The following KCNQ1 variants were observed in gnomAD, a reference collection of about 807,000 sequenced individuals.
KCNQ1 encodes the protein potassium voltage-gated channel subfamily Q member 1, also known as potassium voltage-gated channel subfamily KQT member 1.
KCNQ1 carries 49 observed loss-of-function variants against 72.4 expected under a neutral mutation model. That is an observed-to-expected ratio of 0.68 (90% CI 0.54 to 0.86). The LOEUF is 0.86. Among genes scored for constraint, KCNQ1 ranks in the 40% least tolerant of loss-of-function variants. KCNQ1 has a pLI of 0.00. For missense variants in KCNQ1, 790 were observed against 945.1 expected (o/e 0.84, Z 2.15); for synonymous variants, 450 against 412.6 (o/e 1.09, Z -1.10).
rs1479817746 is a variant in KCNQ1 at position 2,483,462 on chromosome 11, T to A, written c.386+37978T>A. Among the ~76,000 whole-genome samples, 1 of 152,116 alleles carries A rather than the reference T, an allele frequency of 6.6e-6. No homozygotes were observed. Among genetic ancestry groups the A allele is most frequent in the African/African-American group, 2.4e-5 (1 of 41,424 alleles). On this transcript the variant is annotated intron_variant, in intron 1 of 15. Coordinates refer to ENST00000155840, the MANE Select transcript of KCNQ1 (RefSeq NM_000218.3). The surrounding 1 kb of genome is among the most constrained non-coding windows in gnomAD (Gnocchi z 6.1). ...CCGTGAACTCAACTGCAGATCTGATTCAAATCCCGCGTTTTTCTAGCATCC... is the reference window on the plus strand; with the variant it reads ...CCGTGAACTCAACTGCAGATCTGATACAAATCCCGCGTTTTTCTAGCATCC...
At chr11:2,527,496 T>C (rs537005536) in intron 1 of KCNQ1, among the ~76,000 whole-genome samples, 21 of 152,342 alleles carry the variant, frequency 1.4e-4, no homozygotes, top group Admixed American at 2.6e-4. Context: ...CAGAGTTGTG[T>C]AGCCACCACC....
At chr11:2,500,862 C>T (rs921959442) in intron 1 of KCNQ1, among the ~76,000 whole-genome samples, 15 of 8,732 alleles carry the variant, frequency 1.7e-3, no homozygotes, top group South Asian at 7.8e-3. Flanking sequence ...CATCACACAC[C>T]GGGGTCTGTT....
chr11:2,843,131 A>G (rs1440354154), intron 15 of KCNQ1, among the ~76,000 whole-genome samples: 2 of 152,330 alleles, frequency 1.3e-5, no homozygotes, highest in East Asian at 3.9e-4. Flanking sequence ...CAGCTGCCCC[A>G]AGGCCTGGCG....
Position 2,682,723 on chromosome 11 carries a change from A to C in KCNQ1, c.1514+20642A>C. On this transcript the variant is annotated intron_variant, in intron 11 of 15. Transcript: ENST00000155840. The surrounding 1 kb of genome is among the most constrained non-coding windows in gnomAD (Gnocchi z 5.8). ...GACCAGAATATCTCTAGTCATAAAG[A>C]ATCTCTTCCCCTTGAGCCCACTCAT... 2.5e-6 allele frequency: 1 copy of C among 398,608 alleles called. No individual in the cohort carries two copies. 24.7% of individuals were successfully genotyped at this position (398,608 alleles called of 1,614,324 possible). A position where few individuals can be genotyped will look rare whatever the true frequency, so the allele number is the denominator to read the frequency against.
rs375471250 is a variant in KCNQ1, at chr11:2,448,241, G to C, written c.386+2757G>C. 2.7e-3 allele frequency among the ~76,000 whole-genome samples: 408 copies of C among 152,336 alleles called. 2 individuals are homozygous for C. The highest frequency in any genetic ancestry group is 6.8e-3 in the Middle Eastern group (2 of 294). ...GTTGTGGCCAAGGAGAGGGATTTGAGGGGGGACCTGCAGTGCATGGAGACT... is the reference window on the plus strand; with the variant it reads ...GTTGTGGCCAAGGAGAGGGATTTGACGGGGGACCTGCAGTGCATGGAGACT... On this transcript the variant is annotated intron_variant, in intron 1 of 15. Transcript: ENST00000155840.
Position 2,645,413 on chromosome 11 carries a change from C to T in KCNQ1, c.1394-16548C>T. On this transcript the variant is annotated intron_variant, in intron 10 of 15. Transcript: ENST00000155840. The surrounding 1 kb of genome is among the most constrained non-coding windows in gnomAD (Gnocchi z 5.8). ...AGGCCAGGTGGGCCTGTCCTGAGGC[C>T]CTCCAGTAATGCAAGAATGTACTGA... 1 of 398,680 alleles carries T rather than the reference C, an allele frequency of 2.5e-6. No individual in the cohort carries two copies. 24.7% of individuals were successfully genotyped at this position (398,680 alleles called of 1,614,324 possible). A position where few individuals can be genotyped will look rare whatever the true frequency, so the allele number is the denominator to read the frequency against.
chr11:2,671,670 A>G lies in KCNQ1; in HGVS notation c.1514+9589A>G, dbSNP rs79645020. ...TGCTGGGGAAACTGAGGCAGAGAGC[A>G]GGGGTGACTTTGCAAGGCAATAGAG... On this transcript the variant is annotated intron_variant, in intron 11 of 15. Transcript: ENST00000155840. The surrounding 1 kb of genome is among the most constrained non-coding windows in gnomAD (Gnocchi z 4.7). 1.4e-5 allele frequency: 3 copies of G among 209,210 alleles called. No individual in the cohort carries two copies. Among genetic ancestry groups the G allele is most frequent in the Non-Finnish European group, 2.5e-5 (3 of 120,332 alleles). 13.0% of individuals were successfully genotyped at this position (209,210 alleles called of 1,614,324 possible). A position where few individuals can be genotyped will look rare whatever the true frequency, so the allele number is the denominator to read the frequency against.
intron 11 of KCNQ1, chr11:2,696,105 T>G: frequency 2.5e-6 from 1 of 398,680 alleles, no homozygotes. Flanking sequence ...AAATCCTTAA[T>G]CCATAATCAT....
intron 11 of KCNQ1, chr11:2,665,474 G>A (rs1850050309): frequency 1.0e-5 from 4 of 396,374 alleles, no homozygotes; most frequent in Admixed American, 4.5e-5. Context: ...GGGTGGGGAC[G>A]GTGCCATGCC....
chr11:2,525,984 G>T (rs1847496962), intron 1 of KCNQ1, among the ~76,000 whole-genome samples: 2 of 152,212 alleles, frequency 1.3e-5, no homozygotes, highest in African/African-American at 4.8e-5. Flanking sequence ...GACACAGTTG[G>T]GGTGTTGTGG....
rs1278565521 is a variant in KCNQ1 at position 2,606,242 on chromosome 11, A to G, written c.1393+17388A>G. Among the ~76,000 whole-genome samples the G allele has an allele frequency of 2.0e-5, 3 of 152,018 alleles. No individual in the cohort carries two copies. The East Asian group carries it at 5.8e-4, about 29-fold the overall frequency. On this transcript the variant is annotated intron_variant, in intron 10 of 15. Transcript: ENST00000155840. The stretch of plus-strand genomic sequence containing the variant: ...ATTTTGTCTCCTGCAGCCTTACTGA[A>G]CTCATTCGTTGTAATTGTTTCACAA...
chr11:2,571,574 G>A lies in KCNQ1; in HGVS notation c.683+171G>A, dbSNP rs28730753. ...CTGGGATGGGTGGAGCAGGGTGGGT[G>A]CAGGCAAGTGTGGAGGGCACGGCTC... On this transcript the variant is annotated intron_variant, in intron 4 of 15. Transcript: ENST00000155840. Among the ~76,000 whole-genome samples, 870 of 152,254 alleles carry A rather than the reference G, an allele frequency of 5.7e-3. 10 individuals are homozygous for A. The highest frequency in any genetic ancestry group is 0.019 in the African/African-American group (796 of 41,562).
chr11:2,763,026 G>T (rs1846432864), intron 11 of KCNQ1, among the ~76,000 whole-genome samples: 1 of 152,150 alleles, frequency 6.6e-6, no homozygotes, highest in African/African-American at 2.4e-5. Flanking sequence ...CCTTCACGTT[G>T]TTAGGAATAT....
chr11:2,588,629 C>A lies in KCNQ1; in HGVS notation c.1252-84C>A. On this transcript the variant is annotated intron_variant, in intron 9 of 15. Transcript: ENST00000155840. This position sits in a 1 kb window ranked among gnomAD's most constrained non-coding sequence, Gnocchi z 5.6. ...TATGTGGCGGGGGCTGGGCTCGGGG[C>A]GGCTGCACAGGCACTCTGGGGCCGG... 11 of 1,556,022 alleles carry A rather than the reference C, an allele frequency of 7.1e-6. No individual in the cohort carries two copies. In the Admixed American group the frequency reaches 1.0e-4, roughly 14 times the overall value.
intron 1 of KCNQ1, among the ~76,000 whole-genome samples, chr11:2,459,944 C>T (rs1178032983): frequency 6.6e-6 from 1 of 152,138 alleles, no homozygotes; most frequent in Non-Finnish European, 1.5e-5. Flanking sequence ...GTTTCGCAGT[C>T]TTTCAGACAA....
chr11:2,569,945 G>A (rs1848302969), intron 2 of KCNQ1, among the ~76,000 whole-genome samples: 1 of 152,194 alleles, frequency 6.6e-6, no homozygotes, highest in Admixed American at 6.5e-5. Flanking sequence ...TTGAGGAGGT[G>A]TTGGGGTGTG....
In KCNQ1 at chr11:2,673,280, C is replaced by T; in HGVS notation, c.1514+11199C>T. 2.5e-6 allele frequency: 1 copy of T among 398,734 alleles called. No individual in the cohort carries two copies. The highest frequency in any genetic ancestry group is 4.4e-6 in the Non-Finnish European group (1 of 226,132). 24.7% of individuals were successfully genotyped at this position (398,734 alleles called of 1,614,324 possible). A position where few individuals can be genotyped will look rare whatever the true frequency, so the allele number is the denominator to read the frequency against. On this transcript the variant is annotated intron_variant, in intron 11 of 15. Coordinates refer to ENST00000155840, the MANE Select transcript of KCNQ1 (RefSeq NM_000218.3). The surrounding 1 kb of genome is among the most constrained non-coding windows in gnomAD (Gnocchi z 4.5). ...CTGCAAAGCCTCAGCCACCTTCTCC[C>T]CTAGAAGAAATCTTGAGAGAAACAA...
intron 8 of KCNQ1, among the ~76,000 whole-genome samples, chr11:2,586,988 C>A (rs1326462843): frequency 2.0e-5 from 3 of 152,052 alleles, no homozygotes; most frequent in Non-Finnish European, 4.4e-5. Flanking sequence ...GCCATGGGGT[C>A]TCTCTGAAAT....
At chr11:2,640,998 C>A in intron 10 of KCNQ1, 1 of 398,552 alleles carries the variant, frequency 2.5e-6, no homozygotes, top group South Asian at 1.3e-4. Context: ...GACATGATTT[C>A]ATTCTTCTTT....
Sources: gnomAD v4.1 joint callset for allele counts (sites outside exome capture counted in the v4.1 genomes callset) on GRCh38, gnomAD v4.1.1 for gene constraint, Gnocchi (gnomAD v3.1) non-coding constraint, MANE v1.5 for transcripts, NCBI Gene and HGNC (gene_info 2026-07-23, HGNC 2026-07-21) for gene names.